SPIDR: variants seen among roughly 807,000 people sequenced by gnomAD.
SPIDR encodes scaffold protein involved in DNA repair.
Under a neutral mutation model 104.6 loss-of-function variants are expected in SPIDR, and 93 were observed. That is an observed-to-expected ratio of 0.89 (90% CI 0.75 to 1.06). The LOEUF is 1.06. SPIDR is among the 50% of genes least tolerant of loss of function. The probability of loss-of-function intolerance (pLI) is 0.00; values close to 1 mark genes in which losing one functional copy is unlikely to be tolerated. For synonymous variants in SPIDR, 431 were observed against 416.9 expected, an observed-to-expected ratio of 1.03 and a Z score of -0.41; for missense variants, 1,154 against 1,111.2, an observed-to-expected ratio of 1.04 and a Z score of -0.55.
rs576790556 is a variant in SPIDR, at chr8:47,704,517, T to G, written c.1977+2502T>G. On this transcript the variant is annotated intron_variant, in intron 14 of 19. Transcript: ENST00000297423. ...CCTCAGTTACCTGGTGCCCTGGGGG[T>G]GGGGCAGGGACGCAACACACCCCCA... Among the ~76,000 whole-genome samples, 568 of 152,054 alleles carry G rather than the reference T, an allele frequency of 3.7e-3. 6 individuals carry two copies. The highest frequency in any genetic ancestry group is 4.3e-3 in the Non-Finnish European group (293 of 67,962).
At chr8:47,483,464 A>G (rs1185779290) in intron 8 of SPIDR, among the ~76,000 whole-genome samples, 1 of 152,158 alleles carries the variant, frequency 6.6e-6, no homozygotes, top group Admixed American at 6.5e-5. Context: ...TGTAGCACCA[A>G]GTCATTTCCC....
intron 10 of SPIDR, among the ~76,000 whole-genome samples, chr8:47,602,987 C>A (rs2062478784): frequency 6.6e-6 from 1 of 152,106 alleles, no homozygotes; most frequent in Admixed American, 6.5e-5. Context: ...CCAACGCAAA[C>A]TTAAGTTTTA....
intron 1 of SPIDR, among the ~76,000 whole-genome samples, chr8:47,274,366 A>C (rs993213085): frequency 6.6e-5 from 10 of 152,208 alleles, no homozygotes; most frequent in African/African-American, 9.7e-5. Context: ...CCCTGTACTT[A>C]AATTTTTAAA....
chr8:47,308,587 A>G (rs1424183552), intron 5 of SPIDR, among the ~76,000 whole-genome samples: 1 of 152,000 alleles, frequency 6.6e-6, no homozygotes, highest in Non-Finnish European at 1.5e-5. Flanking sequence ...CCAAAAGGGA[A>G]AAAGAGAAAA....
intron 8 of SPIDR, among the ~76,000 whole-genome samples, chr8:47,463,721 A>G (rs190379705): frequency 2.0e-5 from 3 of 152,236 alleles, no homozygotes; most frequent in Non-Finnish European, 4.4e-5. Flanking sequence ...ACAAAAACCA[A>G]TTCATGTAAT....
chr8:47,279,925 A>G lies in SPIDR; in HGVS notation c.97A>G (p.Arg33Gly), dbSNP rs1047516172. Residue 33 changes from arginine to glycine, a missense_variant, in exon 2 of 20, where the codon AGA becomes GGA. Arg to Gly is a moderately radical substitution (Grantham distance 125). Transcript: ENST00000297423. ...AGGAGAAAGACCACTGCAGGTCAGA[A>G]GAGCAGGTCTCAGGACAGCAGGGGC... ...FPGERPLQVRRAGLRTAGAAA... is the reference protein window; with the variant it reads ...FPGERPLQVRGAGLRTAGAAA... 6.9e-5 allele frequency: 111 copies of G among 1,614,096 alleles called. 2 individuals carry two copies. In the South Asian group the frequency reaches 1.1e-3, roughly 16 times the overall value.
At chr8:47,394,556 G>C (rs1554656649) in intron 5 of SPIDR, among the ~76,000 whole-genome samples, 1 of 152,220 alleles carries the variant, frequency 6.6e-6, no homozygotes, top group Non-Finnish European at 1.5e-5. Context: ...AGCGGGGAGA[G>C]GCGAGGGTGC....
chr8:47,577,371 C>T (rs2059240779), intron 8 of SPIDR, among the ~76,000 whole-genome samples: 1 of 152,194 alleles, frequency 6.6e-6, no homozygotes, highest in African/African-American at 2.4e-5. Context: ...TGTCATTTAC[C>T]CTACATCCTA....
At chr8:47,486,557 C>T (rs1167643901) in intron 8 of SPIDR, among the ~76,000 whole-genome samples, 2 of 152,098 alleles carry the variant, frequency 1.3e-5, no homozygotes, top group African/African-American at 4.8e-5. Flanking sequence ...GTCACATTCA[C>T]CAAGGTTGAA....
At chr8:47,734,857 T>C (rs1022028043) in intron 19 of SPIDR, among the ~76,000 whole-genome samples, 7 of 152,146 alleles carry the variant, frequency 4.6e-5, no homozygotes, top group African/African-American at 1.7e-4. Flanking sequence ...AGTATAACTC[T>C]AGAAGAAATG....
At chr8:47,399,040 C>T (rs559032011) in intron 6 of SPIDR, among the ~76,000 whole-genome samples, 10 of 152,224 alleles carry the variant, frequency 6.6e-5, no homozygotes, top group South Asian at 6.2e-4. Context: ...GAAGACAGCA[C>T]GATGGAACTC....
At chr8:47,436,525 C>G (rs1312032396) in intron 7 of SPIDR, among the ~76,000 whole-genome samples, 3 of 152,042 alleles carry the variant, frequency 2.0e-5, no homozygotes, top group African/African-American at 7.3e-5. Context: ...ACTTCAAGAC[C>G]AGCCTGGGCA....
intron 10 of SPIDR, among the ~76,000 whole-genome samples, chr8:47,614,491 G>A (rs925061769): frequency 1.3e-5 from 2 of 152,184 alleles, no homozygotes; most frequent in African/African-American, 4.8e-5. Context: ...CAAAGTGCTG[G>A]AATTATAGGC....
chr8:47,494,005 T>A (rs2079092707), intron 8 of SPIDR, among the ~76,000 whole-genome samples: 1 of 152,152 alleles, frequency 6.6e-6, no homozygotes, highest in Non-Finnish European at 1.5e-5. Context: ...CCCTCCTTCC[T>A]TCTTTTCTCC....
chr8:47,563,099 C>G (rs1362440702), intron 8 of SPIDR, among the ~76,000 whole-genome samples: 1 of 148,228 alleles, frequency 6.7e-6, no homozygotes, highest in African/African-American at 2.5e-5. Context: ...AGGACTACTA[C>G]ATGTTTTGTT....
chr8:47,611,217 A>G (rs1478335398), intron 10 of SPIDR, among the ~76,000 whole-genome samples: 1 of 152,212 alleles, frequency 6.6e-6, no homozygotes, highest in Non-Finnish European at 1.5e-5. Context: ...AGAAATTGCC[A>G]GGAATACTCT....
chr8:47,537,986 G>A (rs1049627260), intron 8 of SPIDR, among the ~76,000 whole-genome samples: 2 of 152,094 alleles, frequency 1.3e-5, no homozygotes, highest in Admixed American at 6.6e-5. Context: ...AGACCAGCCT[G>A]GAAAACGGTG....
chr8:47,542,442 AAAG>A (rs2088391764), intron 8 of SPIDR, among the ~76,000 whole-genome samples: 1 of 152,148 alleles, frequency 6.6e-6, no homozygotes, highest in African/African-American at 2.4e-5. Flanking sequence ...AGCTGACGTT[AAAG>A]AAGACTTACC....
intron 8 of SPIDR, among the ~76,000 whole-genome samples, chr8:47,572,620 C>T (rs1386836846): frequency 1.3e-5 from 2 of 151,528 alleles, no homozygotes; most frequent in East Asian, 3.9e-4. Context: ...TGAGATTGCG[C>T]CACTGCCACT....
Sources: gnomAD v4.1 joint callset for allele counts (sites outside exome capture counted in the v4.1 genomes callset) on GRCh38, gnomAD v4.1.1 for gene constraint, MANE v1.5 for transcripts, NCBI Gene and HGNC (gene_info 2026-07-23, HGNC 2026-07-21) for gene names.